Variants in XKR9 observed in about 807,000 individuals in gnomAD.
XKR9 encodes the protein XK related 9.
XKR9 carries 32 observed loss-of-function variants against 32.0 expected under a neutral mutation model. That is an observed-to-expected ratio of 1.00 (90% CI 0.76 to 1.34). The LOEUF (loss-of-function observed/expected upper bound fraction) is 1.34. Among genes scored for constraint, XKR9 ranks in the 40% most tolerant of loss-of-function variants. The pLI, the probability that XKR9 is intolerant of heterozygous loss-of-function variation, is 0.00. For missense variants in XKR9, 546 were observed against 429.7 expected (o/e 1.27, Z -2.39); for synonymous variants, 168 against 143.4 (o/e 1.17, Z -1.22).
chr8:70,790,941 C>A (rs1807756091), downstream of XKR9, among the ~76,000 whole-genome samples: 1 of 151,942 alleles, frequency 6.6e-6, no homozygotes. Flanking sequence ...GTGGAAGGGG[C>A]AAACAGCTCA....
the XKR9 span, among the ~76,000 whole-genome samples, chr8:70,881,860 C>A: frequency 6.6e-6 from 1 of 152,176 alleles, no homozygotes; most frequent in Non-Finnish European, 1.5e-5. Flanking sequence ...GACTTGGAAC[C>A]AACCCAAATG....
intron 2 of XKR9, among the ~76,000 whole-genome samples, chr8:70,769,537 A>G (rs1279861869): frequency 6.6e-6 from 1 of 152,070 alleles, no homozygotes; most frequent in Non-Finnish European, 1.5e-5. Context: ...TGTGTTTTCC[A>G]ACTTGGTTCC....
downstream of XKR9, among the ~76,000 whole-genome samples, chr8:70,794,976 G>A (rs992169150): frequency 2.0e-5 from 3 of 151,840 alleles, no homozygotes; most frequent in Non-Finnish European, 2.9e-5. Flanking sequence ...TTTTGTTGTT[G>A]TTTATTATTA....
At chr8:70,993,598 ACATCTTCCTTC>A in the XKR9 span, among the ~76,000 whole-genome samples, 10,588 of 136,590 alleles carry the variant, frequency 0.078, 800 homozygotes, top group Non-Finnish European at 0.11. Context: ...GTTTCATAGG[ACATCTTCCTTC>A]CTTCCTTCCT....
At chr8:70,927,695 C>G in the XKR9 span, among the ~76,000 whole-genome samples, 8 of 152,122 alleles carry the variant, frequency 5.3e-5, no homozygotes, top group Middle Eastern at 3.2e-3. Flanking sequence ...TAATCACTTC[C>G]CCAAAGGACC....
the XKR9 span, among the ~76,000 whole-genome samples, chr8:71,000,360 G>A: frequency 3.2e-3 from 483 of 152,272 alleles, 1 homozygote; most frequent in African/African-American, 0.011. Context: ...TATGTAGTGA[G>A]CCACTAGCTT....
chr8:70,793,269 A>T (rs1011121938), downstream of XKR9, among the ~76,000 whole-genome samples: 2 of 152,080 alleles, frequency 1.3e-5, no homozygotes, highest in African/African-American at 4.8e-5. Flanking sequence ...TTAATCCTCA[A>T]TATGGAAGTA....
the XKR9 span, among the ~76,000 whole-genome samples, chr8:70,811,706 TC>T: frequency 6.6e-6 from 1 of 152,098 alleles, no homozygotes; most frequent in African/African-American, 2.4e-5. Flanking sequence ...ATGGATAAAT[TC>T]CTCAACACAT....
At chr8:70,868,819 T>C in the XKR9 span, among the ~76,000 whole-genome samples, 1 of 152,210 alleles carries the variant, frequency 6.6e-6, no homozygotes, top group Non-Finnish European at 1.5e-5. Flanking sequence ...TTCTGAACTT[T>C]TATTCTCTGC....
chr8:70,843,768 A>G, the XKR9 span, among the ~76,000 whole-genome samples: 1 of 152,166 alleles, frequency 6.6e-6, no homozygotes, highest in Non-Finnish European at 1.5e-5. Flanking sequence ...TGACCTGCCT[A>G]GAAACTGTGC....
At chr8:70,707,952 T>C (rs1445586845) in intron 4 of XKR9, among the ~76,000 whole-genome samples, 1 of 152,026 alleles carries the variant, frequency 6.6e-6, no homozygotes, top group Non-Finnish European at 1.5e-5. Flanking sequence ...TAGGGTTCCA[T>C]TTAGTTTCGG....
chr8:70,721,707 G>A (rs1221096308), intron 4 of XKR9, among the ~76,000 whole-genome samples: 1 of 152,104 alleles, frequency 6.6e-6, no homozygotes, highest in African/African-American at 2.4e-5. Context: ...TTCCTGAGGA[G>A]GGTTTCGCTT....
the XKR9 span, among the ~76,000 whole-genome samples, chr8:70,885,473 A>C: frequency 6.6e-5 from 10 of 152,190 alleles, no homozygotes; most frequent in Non-Finnish European, 1.3e-4. Flanking sequence ...ATAGGTATAC[A>C]TGTGCCATGG....
intron 2 of XKR9, among the ~76,000 whole-genome samples, chr8:70,769,043 G>A (rs900652451): frequency 6.6e-6 from 1 of 151,994 alleles, no homozygotes; most frequent in African/African-American, 2.4e-5. Context: ...ATATATTTTG[G>A]TATGTTTTTA....
intron 2 of XKR9, among the ~76,000 whole-genome samples, chr8:70,779,643 G>A (rs1807588044): frequency 6.6e-6 from 1 of 152,070 alleles, no homozygotes; most frequent in Non-Finnish European, 1.5e-5. Flanking sequence ...CCTGTTGTTG[G>A]TCTATTCAGA....
the XKR9 span, among the ~76,000 whole-genome samples, chr8:70,914,937 T>C: frequency 1.3e-5 from 2 of 152,222 alleles, no homozygotes; most frequent in South Asian, 2.1e-4. Context: ...AGCCTAGCCA[T>C]GCAGGATAAC....
the XKR9 span, among the ~76,000 whole-genome samples, chr8:70,911,876 C>T: frequency 6.6e-6 from 1 of 151,990 alleles, no homozygotes; most frequent in South Asian, 2.1e-4. Context: ...TGACAATGAC[C>T]ACACAGTGCA....
At chr8:70,919,627 GTCTTT>G in the XKR9 span, among the ~76,000 whole-genome samples, 1 of 152,120 alleles carries the variant, frequency 6.6e-6, no homozygotes, top group Non-Finnish European at 1.5e-5. Context: ...TTCTCTAGAA[GTCTTT>G]TCTTTCCTTA....
the XKR9 span, among the ~76,000 whole-genome samples, chr8:70,963,094 A>C: frequency 6.6e-6 from 1 of 152,016 alleles, no homozygotes; most frequent in Non-Finnish European, 1.5e-5. Context: ...ACCCTTAACT[A>C]TTCTTCCTTA....
Sources: allele counts gnomAD v4.1 joint callset (sites outside exome capture counted in the v4.1 genomes callset), GRCh38; gene constraint gnomAD v4.1.1; transcripts MANE v1.5; gene names NCBI Gene and HGNC (gene_info 2026-07-23, HGNC 2026-07-21).